The following KCNT1 variants were observed in gnomAD, a reference collection of about 807,000 sequenced individuals.
KCNT1 encodes potassium sodium-activated channel subfamily T member 1, also known as potassium channel subfamily T member 1.
A neutral mutation model predicts 147.8 loss-of-function variants in KCNT1; 78 were observed. That is an observed-to-expected ratio of 0.53 (90% CI 0.44 to 0.64). The LOEUF (loss-of-function observed/expected upper bound fraction) is 0.64. Among genes scored for constraint, KCNT1 ranks in the 30% least tolerant of loss-of-function variants. The probability of loss-of-function intolerance (pLI) is 0.00; values close to 1 mark genes in which losing one functional copy is unlikely to be tolerated. For synonymous variants in KCNT1, 867 were observed against 748.8 expected (o/e 1.16, Z -2.58); for missense variants, 1,419 against 1,750.3 (o/e 0.81, Z 3.38).
chr9:135,725,460 C>T (rs968539081), intron 2 of KCNT1, among the ~76,000 whole-genome samples: 32 of 152,344 alleles, frequency 2.1e-4, no homozygotes, highest in Admixed American at 1.5e-3. Flanking sequence ...ATCAGAGTGA[C>T]GCTACCACGA....
At chr9:135,757,264 C>G (rs1459319314) in intron 8 of KCNT1, 34 bp downstream of exon 8, 2 of 1,612,692 alleles carry the variant, frequency 1.2e-6, no homozygotes, top group East Asian at 2.2e-5. Flanking sequence ...AGTGCGGGCC[C>G]TGGAGCCCCA....
intron 1 of KCNT1, among the ~76,000 whole-genome samples, chr9:135,712,332 C>T (rs1421342714): frequency 1.3e-5 from 2 of 152,334 alleles, no homozygotes; most frequent in African/African-American, 4.8e-5. Flanking sequence ...AATTATTTGG[C>T]ACAGCAGTCA....
rs551753765 is a variant in KCNT1, at chr9:135,749,875, G to A, written c.255-223G>A. On this transcript the variant is annotated intron_variant, in intron 2 of 30. Coordinates refer to ENST00000371757, the MANE Select transcript of KCNT1 (RefSeq NM_020822.3). ...CAGCGAGTGCCCAGGGCTGCGGGGA[G>A]GAATCTTCAGAGGAGCCGAGGCTGG... is the stretch of plus-strand genomic sequence containing the variant. Among the ~76,000 whole-genome samples, 9 of 152,192 alleles carry A rather than the reference G, an allele frequency of 5.9e-5. No individual in the cohort carries two copies. The East Asian group carries it at 1.2e-3, about 20-fold the overall frequency.
chr9:135,773,255 G>A (rs1033741162), intron 19 of KCNT1, among the ~76,000 whole-genome samples: 6 of 152,176 alleles, frequency 3.9e-5, no homozygotes, highest in African/African-American at 7.2e-5. Context: ...ACTGGCACAG[G>A]GGCTGTCAGG....
intron 19 of KCNT1, among the ~76,000 whole-genome samples, chr9:135,774,615 T>C (rs1833024598): frequency 6.6e-6 from 1 of 151,120 alleles, no homozygotes; most frequent in Non-Finnish European, 1.5e-5. Context: ...GTGTTGTGTA[T>C]GTTGTGTGTC....
At chr9:135,750,051 G>A (rs753205513) in intron 2 of KCNT1, 47 bp from the exon 3 acceptor site, 2 of 1,503,352 alleles carry the variant, frequency 1.3e-6, no homozygotes, top group Non-Finnish European at 1.9e-6. Flanking sequence ...TCCCCAGCCT[G>A]AGTCCCCACT....
chr9:135,758,634 G>T, intron 10 of KCNT1, 126 bp downstream of exon 10: 1 of 755,788 alleles, frequency 1.3e-6, no homozygotes, highest in East Asian at 2.7e-5. Context: ...CACAGTGCCT[G>T]GGCTGCGGGT....
At chr9:135,738,348 T>C (rs1830422789) in intron 2 of KCNT1, among the ~76,000 whole-genome samples, 1 of 152,184 alleles carries the variant, frequency 6.6e-6, no homozygotes, top group Admixed American at 6.5e-5. Context: ...GAGCAGCCCC[T>C]GGGCCTGGAG....
chr9:135,756,832 C>G (rs760142854), intron 6 of KCNT1, 41 bp from the exon 7 acceptor site: 6 of 1,578,410 alleles, frequency 3.8e-6, no homozygotes, highest in Non-Finnish European at 5.2e-6. Context: ...CAGCCCCAGC[C>G]CCGGCCTGCT....
intron 1 of KCNT1, among the ~76,000 whole-genome samples, chr9:135,711,263 G>T (rs1835474289): frequency 6.6e-6 from 1 of 152,216 alleles, no homozygotes; most frequent in Admixed American, 6.5e-5. Context: ...TAAGCACTTT[G>T]TCAGACAGCC....
At chr9:135,779,254 T>G in intron 23 of KCNT1, 105 bp from the exon 24 acceptor site, 11 of 239,618 alleles carry the variant, frequency 4.6e-5, no homozygotes, top group East Asian at 7.8e-5. Flanking sequence ...CCCACAGCCA[T>G]GGGACCCCGC....
In KCNT1 at chr9:135,752,621, T is replaced by C. The variant is rs538600181; in HGVS notation, c.435-1316T>C. 4.1e-4 allele frequency among the ~76,000 whole-genome samples: 62 copies of C among 150,658 alleles called. No homozygotes were observed. Among genetic ancestry groups the C allele is most frequent in the African/African-American group, 1.5e-3 (61 of 41,014 alleles). On this transcript the variant is annotated intron_variant, in intron 4 of 30. Coordinates refer to ENST00000371757, the MANE Select transcript of KCNT1 (RefSeq NM_020822.3). This position sits in a 1 kb window ranked among gnomAD's most constrained non-coding sequence, Gnocchi z 5.1. ...GATGGATGGATGGTTGGATGGATGG[T>C]GGATGATGGATGGATGGACGGACGG...
At chr9:135,742,753 T>C in intron 2 of KCNT1, 1 of 717,462 alleles carries the variant, frequency 1.4e-6, no homozygotes, top group Non-Finnish European at 2.6e-6. Flanking sequence ...TTCTGGTTGA[T>C]GCCCCTCTGT....
intron 2 of KCNT1, among the ~76,000 whole-genome samples, chr9:135,724,201 G>A (rs1038242743): frequency 1.3e-5 from 2 of 152,250 alleles, no homozygotes; most frequent in Non-Finnish European, 2.9e-5. Context: ...GGCCTCCAGG[G>A]GCCTCAACTT....
In KCNT1 at chr9:135,752,075, T is replaced by G; in HGVS notation, c.434+1034T>G. The G allele has an allele frequency of 4.4e-6, 1 of 228,400 alleles. No individual in the cohort carries two copies. Among genetic ancestry groups the G allele is most frequent in the Non-Finnish European group, 8.8e-6 (1 of 113,024 alleles). The allele number at this position is 228,400 out of a possible 1,614,324, so 14.1% of individuals were successfully genotyped here. On this transcript the variant is annotated intron_variant, in intron 4 of 30. Coordinates refer to ENST00000371757, the MANE Select transcript of KCNT1 (RefSeq NM_020822.3). This position sits in a 1 kb window ranked among gnomAD's most constrained non-coding sequence, Gnocchi z 5.1. ...AGATTTCCTCAAATGTCTGGTGCCG[T>G]TTATGCGTAAGAGTGCTCAGGCGCT...
At chr9:135,774,341 T>C (rs916168818) in intron 19 of KCNT1, among the ~76,000 whole-genome samples, 1 of 148,852 alleles carries the variant, frequency 6.7e-6, no homozygotes, top group Non-Finnish European at 1.5e-5. Context: ...GTGTGTTGTG[T>C]GTCCGTGTGT....
rs538800433 is a variant in KCNT1 at position 135,743,743 on chromosome 9, G to A, written c.255-6355G>A. On this transcript the variant is annotated intron_variant, in intron 2 of 30. Transcript: ENST00000371757. ...GCCGTGGCACGGTCTGGACACAGCC[G>A]ATGTTCCTGGACCTTTGGAGGCCCA... 4.6e-5 allele frequency among the ~76,000 whole-genome samples: 7 copies of A among 152,356 alleles called. No individual in the cohort carries two copies. In the East Asian group the frequency reaches 9.7e-4, roughly 21 times the overall value.
chr9:135,711,134 T>C (rs1199907756), intron 1 of KCNT1, among the ~76,000 whole-genome samples: 1 of 152,290 alleles, frequency 6.6e-6, no homozygotes, highest in East Asian at 1.9e-4. Context: ...GACTCCTTGC[T>C]TTTATCCTTT....
At chr9:135,751,634 G>A (rs898480962) in intron 4 of KCNT1, among the ~76,000 whole-genome samples, 2 of 152,194 alleles carry the variant, frequency 1.3e-5, no homozygotes, top group African/African-American at 4.8e-5. Context: ...TCCTTCTGCT[G>A]TTGCTGCTTC....
Sources: gnomAD v4.1 joint callset for allele counts (sites outside exome capture counted in the v4.1 genomes callset) on GRCh38, gnomAD v4.1.1 for gene constraint, Gnocchi (gnomAD v3.1) non-coding constraint, MANE v1.5 for transcripts, NCBI Gene and HGNC (gene_info 2026-07-23, HGNC 2026-07-21) for gene names.